Variants in CAMK2A observed in about 807,000 individuals in gnomAD.
The protein encoded by CAMK2A is calcium/calmodulin dependent protein kinase II alpha, also known as calcium/calmodulin-dependent protein kinase type II subunit alpha.
A neutral mutation model predicts 79.2 loss-of-function variants in CAMK2A; 7 were observed. The ratio of observed to expected loss-of-function variants is 0.09; its 90% CI spans 0.05 to 0.17. The LOEUF is 0.17. Ranked by LOEUF, CAMK2A falls within the 10% of genes least tolerant of loss-of-function variation. The pLI is 1.00. For synonymous variants in CAMK2A, 242 were observed against 251.7 expected (o/e 0.96, Z 0.36); for missense variants, 214 against 646.4 (o/e 0.33, Z 7.25).
At chr5:150,266,809 G>A (rs987809417) in intron 2 of CAMK2A, among the ~76,000 whole-genome samples, 9 of 150,952 alleles carry the variant, frequency 6.0e-5, no homozygotes, top group Non-Finnish European at 7.4e-5. Context: ...CTCAGACACC[G>A]AGCCAACACT....
At chr5:150,236,176 A>T (rs1755050667) in intron 15 of CAMK2A, among the ~76,000 whole-genome samples, 1 of 152,234 alleles carries the variant, frequency 6.6e-6, no homozygotes, top group Non-Finnish European at 1.5e-5. Flanking sequence ...GACCTCAGGG[A>T]TGCAGCCCAA....
At chr5:150,224,791 G>A (rs1754511760) in intron 17 of CAMK2A, among the ~76,000 whole-genome samples, 1 of 152,050 alleles carries the variant, frequency 6.6e-6, no homozygotes, top group Non-Finnish European at 1.5e-5. Flanking sequence ...CCACAGATAT[G>A]CAAACTCAGG....
At chr5:150,245,301 T>C in intron 12 of CAMK2A, 100 bp from the exon 13 acceptor site, 1 of 1,133,020 alleles carries the variant, frequency 8.8e-7, no homozygotes, top group Non-Finnish European at 1.3e-6. Context: ...GAGGGCAGAC[T>C]GCAGGGAGCA....
At position 150,250,814 on chromosome 5, in the gene CAMK2A, G is replaced by C. The variant is rs1418013919; in HGVS notation, c.694-4C>G. 1.2e-6 allele frequency: 2 copies of C among 1,613,976 alleles called. No homozygotes were observed. Among genetic ancestry groups the C allele is most frequent in the African/African-American group, 1.3e-5 (1 of 75,064 alleles). On this transcript the variant is annotated splice_region_variant and splice_polypyrimidine_tract_variant and intron_variant, in intron 9 of 18. Transcript: ENST00000671881. ...TGTCCCATTCCGGCGATGGGAACTG[G>C]AAGGGGCAGAGAGGCCAGGTTTGCC...
At chr5:150,231,168 A>G in intron 16 of CAMK2A, 137 bp downstream of exon 16, 2 of 469,542 alleles carry the variant, frequency 4.3e-6, no homozygotes, top group Admixed American at 3.4e-5. Context: ...CAAAATAGAA[A>G]TATGAGTTCA....
In CAMK2A at chr5:150,256,171, G is replaced by A. The variant is rs1000062059; in HGVS notation, c.411+402C>T. Among the ~76,000 whole-genome samples, 1 of 152,192 alleles carries A rather than the reference G, an allele frequency of 6.6e-6. No individual in the cohort carries two copies. Among genetic ancestry groups the A allele is most frequent in the Non-Finnish European group, 1.5e-5 (1 of 68,038 alleles). The stretch of plus-strand genomic sequence containing the variant: ...CATATCCTCACCAACCCTTTGCAGA[G>A]GTTGCTATGGCAACCCCCATTGTGA... On this transcript the variant is annotated intron_variant, in intron 6 of 18. Coordinates refer to ENST00000671881, the MANE Select transcript of CAMK2A (RefSeq NM_015981.4). The surrounding 1 kb of genome is among the most constrained non-coding windows in gnomAD (Gnocchi z 4.6).
At chr5:150,270,752 C>T (rs1010596290) in intron 2 of CAMK2A, among the ~76,000 whole-genome samples, 4 of 152,072 alleles carry the variant, frequency 2.6e-5, no homozygotes, top group African/African-American at 4.8e-5. Flanking sequence ...TCACCTAGGC[C>T]GGGCCACCTT....
At chr5:150,265,139 A>G in intron 2 of CAMK2A, 124 bp from the exon 3 acceptor site, 1 of 730,922 alleles carries the variant, frequency 1.4e-6, no homozygotes, top group Non-Finnish European at 2.5e-6. Flanking sequence ...GGGAAAGCTC[A>G]CCTTCTGGCC....
chr5:150,277,770 C>A (rs1301889938), intron 1 of CAMK2A, among the ~76,000 whole-genome samples: 1 of 152,150 alleles, frequency 6.6e-6, no homozygotes, highest in Non-Finnish European at 1.5e-5. Context: ...GGTACCAGCC[C>A]CTCACAAGCG....
chr5:150,255,823 C>T (rs1291508981), intron 6 of CAMK2A, among the ~76,000 whole-genome samples: 1 of 152,224 alleles, frequency 6.6e-6, no homozygotes, highest in African/African-American at 2.4e-5. Context: ...TTCCCCCGCC[C>T]TAGCTAAGGA....
chr5:150,243,477 G>T (rs567582662), intron 13 of CAMK2A, among the ~76,000 whole-genome samples: 1 of 152,286 alleles, frequency 6.6e-6, no homozygotes, highest in East Asian at 1.9e-4. Context: ...TTGGCTCAGG[G>T]TTAACCCAAA....
intron 13 of CAMK2A, among the ~76,000 whole-genome samples, chr5:150,241,672 T>C: frequency 7.3e-6 from 1 of 137,698 alleles, no homozygotes; most frequent in African/African-American, 2.8e-5. Context: ...TCCTCTCCCT[T>C]CCTCTTCCCT....
intron 3 of CAMK2A, among the ~76,000 whole-genome samples, chr5:150,263,784 G>T (rs1756395633): frequency 1.3e-5 from 2 of 152,284 alleles, no homozygotes; most frequent in South Asian, 4.2e-4. Flanking sequence ...GGGGGTTGGG[G>T]GCCCAGAATA....
intron 1 of CAMK2A, among the ~76,000 whole-genome samples, chr5:150,283,208 G>A (rs1250108933): frequency 2.0e-5 from 3 of 152,290 alleles, no homozygotes; most frequent in African/African-American, 7.2e-5. Context: ...TCTGGAAATT[G>A]GGGTCAGGCT....
chr5:150,249,483 G>T (rs1475379260), intron 11 of CAMK2A, among the ~76,000 whole-genome samples: 3 of 152,070 alleles, frequency 2.0e-5, no homozygotes. Flanking sequence ...CCCCTAAGGG[G>T]TCAGGCGCAC....
chr5:150,275,848 G>A (rs140138940), intron 1 of CAMK2A, among the ~76,000 whole-genome samples: 9 of 152,102 alleles, frequency 5.9e-5, no homozygotes, highest in African/African-American at 1.2e-4. Flanking sequence ...TCCCAGCTCC[G>A]TACTTAAGAG....
intron 3 of CAMK2A, among the ~76,000 whole-genome samples, chr5:150,261,843 G>A (rs1171581746): frequency 6.6e-6 from 1 of 152,180 alleles, no homozygotes; most frequent in Non-Finnish European, 1.5e-5. Flanking sequence ...GACTGCTATA[G>A]TCATTAATGT....
chr5:150,263,471 C>T (rs1580935893), intron 3 of CAMK2A, among the ~76,000 whole-genome samples: 1 of 151,160 alleles, frequency 6.6e-6, no homozygotes, highest in East Asian at 1.9e-4. Context: ...TTCACACACT[C>T]CACACACTCT....
Position 150,248,497 on chromosome 5 carries a change from C to T in CAMK2A, c.901-683G>A, listed in dbSNP as rs1272410316. Reference sequence around the variant, plus strand: ...CTATCCCTCCCCCCTCCCCCCACCCCACAACAGGCCCCGGTGTGTGATGTT... The same window carrying T: ...CTATCCCTCCCCCCTCCCCCCACCCTACAACAGGCCCCGGTGTGTGATGTT... On this transcript the variant is annotated intron_variant, in intron 11 of 18. Coordinates refer to ENST00000671881, the MANE Select transcript of CAMK2A (RefSeq NM_015981.4). Among the ~76,000 whole-genome samples, 219 of 126,268 alleles carry T rather than the reference C, an allele frequency of 1.7e-3. 1 individual carries two copies. The highest frequency in any genetic ancestry group is 5.9e-3 in the African/African-American group (199 of 33,718). The allele number at this position is 126,268 out of a possible 152,430, so 82.8% of individuals were successfully genotyped here. A position where few individuals can be genotyped will look rare whatever the true frequency, so the allele number is the denominator to read the frequency against.
Sources: allele counts gnomAD v4.1 joint callset (sites outside exome capture counted in the v4.1 genomes callset), GRCh38; gene constraint gnomAD v4.1.1; non-coding constraint Gnocchi (gnomAD v3.1); transcripts MANE v1.5; gene names NCBI Gene and HGNC (gene_info 2026-07-23, HGNC 2026-07-21).